CARMIL1: variants seen among roughly 807,000 people sequenced by gnomAD.
CARMIL1 encodes the protein F-actin-uncapping protein LRRC16A.
CARMIL1 carries 90 observed loss-of-function variants against 177.1 expected under a neutral mutation model. That is an observed-to-expected ratio of 0.51 (90% CI 0.43 to 0.61). CARMIL1 has a LOEUF of 0.61. CARMIL1 is among the 20% of genes least tolerant of loss of function. The probability of loss-of-function intolerance (pLI) is 0.00; values close to 1 mark genes in which losing one functional copy is unlikely to be tolerated. For missense variants in CARMIL1, 1,380 were observed against 1,667.0 expected (o/e 0.83, Z 3.00); for synonymous variants, 577 against 606.2 (o/e 0.95, Z 0.71).
intron 23 of CARMIL1, chr6:25,527,648 G>A: frequency 2.3e-6 from 1 of 442,328 alleles, no homozygotes. Flanking sequence ...TACTGTCAAG[G>A]CATTAATGTG....
At chr6:25,591,181 G>T (rs9467535) in intron 31 of CARMIL1, among the ~76,000 whole-genome samples, 172 of 152,252 alleles carry the variant, frequency 1.1e-3, no homozygotes, top group African/African-American at 3.9e-3. Context: ...GGCAGCTGCC[G>T]CATCAAAATC....
At chr6:25,436,700 C>T (rs1176190816) in intron 5 of CARMIL1, among the ~76,000 whole-genome samples, 1 of 152,208 alleles carries the variant, frequency 6.6e-6, no homozygotes, top group Non-Finnish European at 1.5e-5. Flanking sequence ...GAGGTGGACA[C>T]ACCAGAATGG....
At chr6:25,611,918 G>A (rs1816535948) in intron 36 of CARMIL1, among the ~76,000 whole-genome samples, 1 of 152,206 alleles carries the variant, frequency 6.6e-6, no homozygotes, top group African/African-American at 2.4e-5. Flanking sequence ...TCCCCTGGAA[G>A]TTAGAAATAG....
chr6:25,380,583 A>G (rs1791424726), intron 2 of CARMIL1, among the ~76,000 whole-genome samples: 1 of 152,068 alleles, frequency 6.6e-6, no homozygotes, highest in South Asian at 2.1e-4. Flanking sequence ...ACAAAAAACT[A>G]AAAAAAACTT....
chr6:25,423,630 A>G (rs754716557), intron 3 of CARMIL1, among the ~76,000 whole-genome samples: 32 of 152,130 alleles, frequency 2.1e-4, no homozygotes, highest in Non-Finnish European at 2.8e-4. Context: ...TGCCTGGGGA[A>G]GAGCGGGAGT....
intron 17 of CARMIL1, among the ~76,000 whole-genome samples, chr6:25,500,857 T>TCACGCCATTCTCCTGCCTC (rs983262495): frequency 6.6e-6 from 1 of 152,016 alleles, no homozygotes; most frequent in Non-Finnish European, 1.5e-5. Context: ...CCTCCTGGGT[T>TCACGCCATTCTCCTGCCTC]CACGCCATTC....
At chr6:25,365,564 A>AT (rs984444143) in intron 2 of CARMIL1, among the ~76,000 whole-genome samples, 21 of 152,086 alleles carry the variant, frequency 1.4e-4, no homozygotes, top group African/African-American at 4.6e-4. Context: ...TTATTTATTT[A>AT]TTTTTTTAAA....
intron 29 of CARMIL1, among the ~76,000 whole-genome samples, chr6:25,576,198 C>A (rs1463295425): frequency 6.6e-6 from 1 of 151,450 alleles, no homozygotes; most frequent in African/African-American, 2.4e-5. Flanking sequence ...TAATGATGAC[C>A]AATGGAATTT....
chr6:25,375,798 A>G (rs565406144), intron 2 of CARMIL1, among the ~76,000 whole-genome samples: 2 of 152,134 alleles, frequency 1.3e-5, no homozygotes, highest in African/African-American at 2.4e-5. Context: ...ATATTTTGCA[A>G]TTTCCTAAGT....
intron 24 of CARMIL1, among the ~76,000 whole-genome samples, chr6:25,531,272 TG>T (rs747432284): frequency 5.3e-5 from 8 of 152,192 alleles, no homozygotes; most frequent in Non-Finnish European, 5.9e-5. Flanking sequence ...CCATGTTGAA[TG>T]GTTTGCATTA....
chr6:25,299,398 C>G (rs1312405680), intron 2 of CARMIL1, among the ~76,000 whole-genome samples: 1 of 151,494 alleles, frequency 6.6e-6, no homozygotes, highest in Non-Finnish European at 1.5e-5. Flanking sequence ...TCTCAAAGTC[C>G]TGACCTCAGG....
intron 8 of CARMIL1, among the ~76,000 whole-genome samples, chr6:25,458,487 A>C (rs893978539): frequency 3.4e-5 from 1 of 29,320 alleles, no homozygotes; most frequent in East Asian, 1.1e-3. Context: ...CTCTGTCTCA[A>C]AAAAAAAAAA....
At chr6:25,395,944 A>G (rs1793340814) in intron 2 of CARMIL1, among the ~76,000 whole-genome samples, 1 of 152,214 alleles carries the variant, frequency 6.6e-6, no homozygotes, top group Admixed American at 6.5e-5. Flanking sequence ...CATATGTCAC[A>G]GATCTTGCGT....
At position 25,361,441 on chromosome 6, in the gene CARMIL1, C is replaced by G. The variant is rs545654520; in HGVS notation, c.139-58673C>G. 4.6e-5 allele frequency among the ~76,000 whole-genome samples: 7 copies of G among 151,994 alleles called. No homozygotes were observed. In the South Asian group the frequency reaches 1.2e-3, roughly 27 times the overall value. On this transcript the variant is annotated intron_variant, in intron 2 of 36. Transcript: ENST00000329474. ...TTGATCTCAGCAAATTCATTGACTT[C>G]CAAAATTCATTTATATGACTTTAAT... is the stretch of plus-strand genomic sequence containing the variant.
chr6:25,308,045 A>G (rs1437066670), intron 2 of CARMIL1, among the ~76,000 whole-genome samples: 1 of 152,240 alleles, frequency 6.6e-6, no homozygotes, highest in Non-Finnish European at 1.5e-5. Context: ...TGCTTAGGCT[A>G]AAAAATGGCT....
chr6:25,338,265 A>AT (rs910698224), intron 2 of CARMIL1, among the ~76,000 whole-genome samples: 8 of 70,782 alleles, frequency 1.1e-4, no homozygotes, highest in East Asian at 4.0e-4. Flanking sequence ...TCAAAAAAAA[A>AT]AAAATAAAAT....
chr6:25,442,928 A>G (rs1350432779), intron 5 of CARMIL1, among the ~76,000 whole-genome samples: 1 of 152,136 alleles, frequency 6.6e-6, no homozygotes, highest in Non-Finnish European at 1.5e-5. Context: ...CAAATCTACC[A>G]TCAAGATTAA....
chr6:25,515,705 A>G lies in CARMIL1; in HGVS notation c.1663A>G (p.Lys555Glu), dbSNP rs1805921464. Reference sequence around the variant, plus strand: ...GCAGTCCTTGTCCCTGGCTGACTCGAAACTCAAGACTGAGGTCACCATCAT... The same window carrying G: ...GCAGTCCTTGTCCCTGGCTGACTCGGAACTCAAGACTGAGGTCACCATCAT... ...PLQSLSLADS[K>E]LKTEVTIIIN... The change falls in exon 21 of 37, where the codon AAA (lysine) becomes GAA (glutamate). Residue 555 changes from lysine to glutamate, a missense_variant. Coordinates refer to ENST00000329474, the MANE Select transcript of CARMIL1 (RefSeq NM_017640.6). The surrounding 1 kb of genome is among the most constrained non-coding windows in gnomAD (Gnocchi z 5.0). The G allele has an allele frequency of 7.5e-6, 12 of 1,608,084 alleles. No individual in the cohort carries two copies. The highest frequency in any genetic ancestry group is 9.3e-6 in the Non-Finnish European group (11 of 1,177,560).
chr6:25,364,988 T>C (rs1270483216), intron 2 of CARMIL1, among the ~76,000 whole-genome samples: 1 of 152,206 alleles, frequency 6.6e-6, no homozygotes, highest in Non-Finnish European at 1.5e-5. Flanking sequence ...GGCCTTTCTC[T>C]ATCTGGATTC....
Sources: gnomAD v4.1 joint callset for allele counts (sites outside exome capture counted in the v4.1 genomes callset) on GRCh38, gnomAD v4.1.1 for gene constraint, Gnocchi (gnomAD v3.1) non-coding constraint, MANE v1.5 for transcripts, NCBI Gene and HGNC (gene_info 2026-07-23, HGNC 2026-07-21) for gene names.